POGZ: variants seen among roughly 807,000 people sequenced by gnomAD.
POGZ encodes pogo transposable element with ZNF domain.
In POGZ, 17 loss-of-function variants were observed where a neutral mutation model predicts 134.6. The ratio of observed to expected loss-of-function variants is 0.13; its 90% CI spans 0.09 to 0.19. The LOEUF (loss-of-function observed/expected upper bound fraction) is 0.19. Ranked by LOEUF, POGZ falls within the 10% of genes least tolerant of loss-of-function variation. The probability of loss-of-function intolerance (pLI) is 1.00; values close to 1 mark genes in which losing one functional copy is unlikely to be tolerated. For synonymous variants in POGZ, 693 were observed against 657.1 expected (o/e 1.05, Z -0.84); for missense variants, 1,306 against 1,769.7 (o/e 0.74, Z 4.70).
chr1:151,455,890 CTTTCTTTTT>C (rs1414967726), intron 1 of POGZ, among the ~76,000 whole-genome samples: 1 of 123,228 alleles, frequency 8.1e-6, no homozygotes, highest in East Asian at 3.2e-4. Flanking sequence ...ACGGTAGTTT[CTTTCTTTTT>C]TTTTTTTTTT....
At chr1:151,411,498 A>C in intron 12 of POGZ, 127 bp downstream of exon 12, 1 of 626,492 alleles carries the variant, frequency 1.6e-6, no homozygotes, top group Non-Finnish European at 2.8e-6. Context: ...AATTCAATAA[A>C]TTTCTGCAAA....
chr1:151,438,887 A>G (rs961439015), intron 3 of POGZ: 1 of 152,228 alleles, frequency 6.6e-6, no homozygotes, highest in African/African-American at 2.4e-5. Flanking sequence ...AGGGAGAAAA[A>G]AAAAAAAGAA....
chr1:151,408,660 C>T (rs1378028819), intron 13 of POGZ, 34 bp downstream of exon 13: 1 of 1,610,234 alleles, frequency 6.2e-7, no homozygotes, highest in African/African-American at 1.3e-5. Context: ...TCCTCCCTCC[C>T]TGGGCCTATA....
intron 1 of POGZ, among the ~76,000 whole-genome samples, chr1:151,447,000 T>C (rs1477252552): frequency 6.6e-6 from 1 of 152,160 alleles, no homozygotes; most frequent in African/African-American, 2.4e-5. Flanking sequence ...CACTTCCCTG[T>C]ATTATATTGA....
chr1:151,404,931 A>C lies in POGZ; in HGVS notation c.4104T>G (p.Thr1368=), dbSNP rs1571294. 77,703 of 1,614,044 alleles carry C rather than the reference A, an allele frequency of 0.048. 11,357 individuals are homozygous for C. The highest frequency in any genetic ancestry group is 0.45 in the East Asian group (20,384 of 44,862). Reference sequence around the variant, plus strand: ...CTTCAGGAGATGATCTGGGTCGTGGAGTGGAAGACTCAGAATGTTCCCCAC... The same window carrying C: ...CTTCAGGAGATGATCTGGGTCGTGGCGTGGAAGACTCAGAATGTTCCCCAC... ...KLSGEHSESS[T]PRPRSSPEET... is the part of the protein sequence containing the mutation. The change falls in exon 19 of 19, where the codon ACT becomes ACG. Residue 1368 remains threonine (T), a synonymous_variant. Transcript: ENST00000271715.
At chr1:151,420,465 C>T (rs904651708) in intron 10 of POGZ, among the ~76,000 whole-genome samples, 15 of 152,038 alleles carry the variant, frequency 9.9e-5, no homozygotes, top group Admixed American at 5.9e-4. Flanking sequence ...TATAGGCGTG[C>T]GCCACCACAC....
Position 151,408,521 on chromosome 1 carries a change from G to T in POGZ, c.2122C>A (p.Pro708Thr). The T allele has an allele frequency of 6.3e-7, 1 of 1,598,470 alleles. No homozygotes were observed. The highest frequency in any genetic ancestry group is 1.1e-5 in the South Asian group (1 of 88,100). ...GCTGCCTCCTGCAAGGCGCTGGGAG[G>T]TGTATCATTAGAGGATACAGGAACA... ...RTVPVSSNDT[P>T]PSALQEAAPL... The change falls in exon 14 of 19, where the codon CCT becomes ACT. Residue 708 changes from proline (P) to threonine (T), a missense_variant. This residue lies in a region of POGZ where 149 missense variants were observed against 237.5 expected (regional missense o/e 0.63). Transcript: ENST00000271715.
In POGZ at chr1:151,428,055, G is replaced by C. The variant is rs375788253; in HGVS notation, c.860-14C>G. The C allele has an allele frequency of 6.2e-7, 1 of 1,613,714 alleles. No homozygotes were observed. The highest frequency in any genetic ancestry group is 8.5e-7 in the Non-Finnish European group (1 of 1,179,690). On this transcript the variant is annotated splice_polypyrimidine_tract_variant and intron_variant, in intron 6 of 18. Coordinates refer to ENST00000271715, the MANE Select transcript of POGZ (RefSeq NM_015100.4). ...GGAAGGAGGGAGCTACGGTGACCAA[G>C]TGATAATCATCTGTTCTCCACCCAC...
intron 1 of POGZ, among the ~76,000 whole-genome samples, chr1:151,442,859 T>TCTCTA (rs1219314504): frequency 6.6e-6 from 1 of 151,622 alleles, no homozygotes; most frequent in Non-Finnish European, 1.5e-5. Context: ...TGAAACCCCA[T>TCTCTA]CTCTACTAAA....
At position 151,423,410 on chromosome 1, in the gene POGZ, G is replaced by A. The variant is rs148954998; in HGVS notation, c.1665C>T (p.Pro555=). The A allele has an allele frequency of 1.5e-5, 25 of 1,613,882 alleles. No individual in the cohort carries two copies. Among genetic ancestry groups the A allele is most frequent in the Non-Finnish European group, 1.8e-5 (21 of 1,179,904 alleles). The change falls in exon 10 of 19, where the codon CCC becomes CCT. Residue 555 remains proline, a synonymous_variant. Transcript: ENST00000271715. The part of the protein sequence containing the change: ...LQCHLENVHS[P]YESTTKCKIC... Reference sequence around the variant, plus strand: ...TTCCAAACTTACTAGTAGATTCATAGGGACTATGAACATTTTCCAAGTGGC... The same window carrying A: ...TTCCAAACTTACTAGTAGATTCATAAGGACTATGAACATTTTCCAAGTGGC...
Position 151,430,835 on chromosome 1 carries a change from T to C in POGZ, c.290A>G (p.Asn97Ser). 1 of 1,560,336 alleles carries C rather than the reference T, an allele frequency of 6.4e-7. No homozygotes were observed. The highest frequency in any genetic ancestry group is 8.6e-7 in the Non-Finnish European group (1 of 1,160,740). ...VTLIANNNAG[N>S]PLVQQGGQPL... ...CTGTCCACCTTGCTGGACCAAAGGA[T>C]TGCCAGCTAAAGGGTAAAGGAAGAA... Residue 97 changes from asparagine (N) to serine (S), a missense_variant, in exon 4 of 19, where the codon AAT becomes AGT. Coordinates refer to ENST00000271715, the MANE Select transcript of POGZ (RefSeq NM_015100.4).
In POGZ at chr1:151,403,432, T is replaced by C. The variant is rs1322412882; in HGVS notation, c.*1370A>G. ...CGAACCATTTACAAGCTTGTGCAGT[T>C]TGCCTCCTTGGCTCACAGGAGGGGA... is the stretch of plus-strand genomic sequence containing the variant. On this transcript the variant is annotated 3_prime_UTR_variant, in exon 19 of 19. Transcript: ENST00000271715. The C allele has an allele frequency of 1.0e-6, 1 of 985,616 alleles. No homozygotes were observed. The highest frequency in any genetic ancestry group is 1.2e-6 in the Non-Finnish European group (1 of 829,830). 61.1% of individuals were successfully genotyped at this position (985,616 alleles called of 1,614,324 possible). A position where few individuals can be genotyped will look rare whatever the true frequency, so the allele number is the denominator to read the frequency against.
At chr1:151,416,690 CAT>C (rs1467511833) in intron 10 of POGZ, among the ~76,000 whole-genome samples, 4 of 147,084 alleles carry the variant, frequency 2.7e-5, no homozygotes, top group Admixed American at 1.4e-4. Flanking sequence ...GTGGTGTGAT[CAT>C]ATCTCACTGC....
chr1:151,426,339 ACC>A (rs1434464824), intron 7 of POGZ: 1 of 151,998 alleles, frequency 6.6e-6, no homozygotes, highest in East Asian at 1.9e-4. Flanking sequence ...GGCACACACC[ACC>A]ACGCCTGGCT....
At chr1:151,419,246 C>T (rs1432884520) in intron 10 of POGZ, among the ~76,000 whole-genome samples, 1 of 151,794 alleles carries the variant, frequency 6.6e-6, no homozygotes, top group Non-Finnish European at 1.5e-5. Context: ...CATGTAATCC[C>T]AGGAACTTGG....
chr1:151,403,185 A>G lies in POGZ; in HGVS notation c.*1617T>C. 4 of 983,206 alleles carry G rather than the reference A, an allele frequency of 4.1e-6. No individual in the cohort carries two copies. The highest frequency in any genetic ancestry group is 4.8e-6 in the Non-Finnish European group (4 of 827,588). The allele number at this position is 983,206 out of a possible 1,614,324, so 60.9% of individuals were successfully genotyped here. On this transcript the variant is annotated 3_prime_UTR_variant, in exon 19 of 19. Coordinates refer to ENST00000271715, the MANE Select transcript of POGZ (RefSeq NM_015100.4). ...AGGGACTTTTCCAGTTCACTATATT[A>G]TAGTGTGCTGGGGGATGAAAAAACA...
At chr1:151,425,593 G>GAATC (rs1393309217) in intron 7 of POGZ, among the ~76,000 whole-genome samples, 1 of 152,014 alleles carries the variant, frequency 6.6e-6, no homozygotes, top group African/African-American at 2.4e-5. Flanking sequence ...CAAGTAAGTG[G>GAATC]AATCATATGG....
intron 1 of POGZ, among the ~76,000 whole-genome samples, chr1:151,449,949 T>C (rs1661820302): frequency 6.6e-6 from 1 of 152,044 alleles, no homozygotes; most frequent in African/African-American, 2.4e-5. Flanking sequence ...ATATCTTGTA[T>C]GTTAAAAATT....
At position 151,404,420 on chromosome 1, in the gene POGZ, T is replaced by C. The variant is rs1179179163; in HGVS notation, c.*382A>G. On this transcript the variant is annotated 3_prime_UTR_variant, in exon 19 of 19. Transcript: ENST00000271715. ...AAACAAACAAAAAAACCCAGTACTA[T>C]GATACAATTGAGGTAAAAGGGGAAA... 9 of 998,984 alleles carry C rather than the reference T, an allele frequency of 9.0e-6. No individual in the cohort carries two copies. In the East Asian group the frequency reaches 6.4e-4, roughly 71 times the overall value. The allele number at this position is 998,984 out of a possible 1,614,324, so 61.9% of individuals were successfully genotyped here.
Sources: gnomAD v4.1 joint callset for allele counts (sites outside exome capture counted in the v4.1 genomes callset) on GRCh38, gnomAD v4.1.1 for gene constraint, gnomAD v4.1.1 regional missense constraint, MANE v1.5 for transcripts, NCBI Gene and HGNC (gene_info 2026-07-23, HGNC 2026-07-21) for gene names.